Variants in UGT1A6 observed in about 807,000 individuals in gnomAD.
UGT1A6 encodes the protein UDP glucuronosyltransferase family 1 member A6.
Under a neutral mutation model 44.4 loss-of-function variants are expected in UGT1A6, and 32 were observed. The observed-to-expected ratio is 0.72, with a 90% CI of 0.54 to 0.97. The LOEUF is 0.97. Ranked by LOEUF, UGT1A6 falls within the 50% of genes least tolerant of loss-of-function variation. The probability of loss-of-function intolerance (pLI) is 0.00; values close to 1 mark genes in which losing one functional copy is unlikely to be tolerated. For missense variants in UGT1A6, 685 were observed against 661.9 expected, an observed-to-expected ratio of 1.03 and a Z score of -0.38; for synonymous variants, 238 against 248.5, an observed-to-expected ratio of 0.96 and a Z score of 0.40.
At chr2:233,751,176 G>A (rs1694660149) in intron 1 of UGT1A6, among the ~76,000 whole-genome samples, 1 of 151,990 alleles carries the variant, frequency 6.6e-6, no homozygotes, top group Non-Finnish European at 1.5e-5. Flanking sequence ...CTAGATATGA[G>A]ACATGAAGTT....
intron 1 of UGT1A6, among the ~76,000 whole-genome samples, chr2:233,705,589 C>CT (rs1259652270): frequency 6.6e-6 from 1 of 152,106 alleles, no homozygotes; most frequent in Non-Finnish European, 1.5e-5. Context: ...GTTTATGGAT[C>CT]TGGGAAAGGC....
chr2:233,769,741 GCCACTC>G lies in UGT1A6; in HGVS notation c.1301+1303_1301+1308del. The G allele has an allele frequency of 6.9e-7, 1 of 1,452,214 alleles. No individual in the cohort carries two copies. Among genetic ancestry groups the G allele is most frequent in the Non-Finnish European group, 9.1e-7 (1 of 1,101,348 alleles). 90.0% of individuals were successfully genotyped at this position (1,452,214 alleles called of 1,614,324 possible). On this transcript the variant is annotated intron_variant, in intron 4 of 4. Coordinates refer to ENST00000305139, the MANE Select transcript of UGT1A6 (RefSeq NM_001072.4). The surrounding 1 kb of genome is among the most constrained non-coding windows in gnomAD (Gnocchi z 4.4). ...ACCATGGCACACGCCTGTAGTCCCA[GCCACTC>G]TGGAGGCTAAGGCGGGAGGATTGCT... is the stretch of plus-strand genomic sequence containing the variant.
chr2:233,737,106 C>A (rs1413707543), intron 1 of UGT1A6, among the ~76,000 whole-genome samples: 1 of 152,198 alleles, frequency 6.6e-6, no homozygotes, highest in African/African-American at 2.4e-5. Flanking sequence ...TCTGCTGTTC[C>A]CCACATGTTC....
chr2:233,722,092 G>A, intron 1 of UGT1A6: 1 of 213,982 alleles, frequency 4.7e-6, no homozygotes, highest in South Asian at 7.6e-5. Context: ...GATCACCTTA[G>A]GCCTCTTAGA....
intron 1 of UGT1A6, among the ~76,000 whole-genome samples, chr2:233,730,798 G>C (rs772379862): frequency 4.6e-5 from 7 of 152,122 alleles, no homozygotes; most frequent in Non-Finnish European, 7.3e-5. Flanking sequence ...AGTGATGAAT[G>C]GACATGCGTC....
At position 233,747,601 on chromosome 2, in the gene UGT1A6, AGCTACT is replaced by A. The variant is rs1032585099; in HGVS notation, c.862-19430_862-19425del. 3.2e-6 allele frequency: 5 copies of A among 1,575,002 alleles called. No individual in the cohort carries two copies. In the African/African-American group the frequency reaches 6.8e-5, roughly 21 times the overall value. The stretch of plus-strand genomic sequence containing the variant: ...TTGGTCTTTCATAGGTCTTGTGTGG[AGCTACT>A]GCATAATGAGGCCCTGATCAGGCAC... On this transcript the variant is annotated intron_variant, in intron 1 of 4. Transcript: ENST00000305139.
rs6742078 is a variant in UGT1A6, at chr2:233,763,993, G to T, written c.862-3041G>T. ...TGTGGGTTACTGGGAATGCGTGATG[G>T]TGAAGTCACAGATGACCCACATGGT... On this transcript the variant is annotated intron_variant, in intron 1 of 4. Transcript: ENST00000305139. 0.36 allele frequency among the ~76,000 whole-genome samples: 54,149 copies of T among 152,126 alleles called. 9,972 individuals carry two copies. Among genetic ancestry groups the T allele is most frequent in the African/African-American group, 0.43 (17,876 of 41,508 alleles).
At chr2:233,751,100 G>T (rs895970679) in intron 1 of UGT1A6, among the ~76,000 whole-genome samples, 1 of 151,922 alleles carries the variant, frequency 6.6e-6, no homozygotes, top group Non-Finnish European at 1.5e-5. Flanking sequence ...GGAGGGCTTT[G>T]CCCTGCAAGC....
chr2:233,737,994 C>T (rs1435641802), intron 1 of UGT1A6, among the ~76,000 whole-genome samples: 1 of 151,970 alleles, frequency 6.6e-6, no homozygotes. Flanking sequence ...CTCTGTGTCC[C>T]CCACCAAATC....
At chr2:233,764,672 GA>G (rs1265405107) in intron 1 of UGT1A6, among the ~76,000 whole-genome samples, 2 of 152,116 alleles carry the variant, frequency 1.3e-5, no homozygotes, top group Non-Finnish European at 2.9e-5. Context: ...ACGCTCAGAA[GA>G]AAGAACTTGA....
At chr2:233,692,037 A>G (rs2075074158), upstream of UGT1A6, 1 of 152,220 alleles carries the variant, frequency 6.6e-6, no homozygotes, top group Non-Finnish European at 1.5e-5. Context: ...TTGCCAGGGA[A>G]CAAAACCCTT....
intron 1 of UGT1A6, among the ~76,000 whole-genome samples, chr2:233,738,417 G>A (rs1690784004): frequency 6.6e-6 from 1 of 152,216 alleles, no homozygotes; most frequent in Non-Finnish European, 1.5e-5. Context: ...ACAGGCAGAG[G>A]CTGGAACAGT....
At chr2:233,733,213 G>T (rs974647269) in intron 1 of UGT1A6, among the ~76,000 whole-genome samples, 1 of 152,158 alleles carries the variant, frequency 6.6e-6, no homozygotes, top group African/African-American at 2.4e-5. Flanking sequence ...TTTGGGCTGA[G>T]ACAATGGGGT....
chr2:233,743,981 G>T, intron 1 of UGT1A6: 1 of 1,297,886 alleles, frequency 7.7e-7, no homozygotes, highest in Non-Finnish European at 1.0e-6. Flanking sequence ...CAGCACCCAG[G>T]CGCAGGCCCG....
chr2:233,745,152 G>T (rs1403503351), intron 1 of UGT1A6, among the ~76,000 whole-genome samples: 1 of 151,720 alleles, frequency 6.6e-6, no homozygotes, highest in Non-Finnish European at 1.5e-5. Flanking sequence ...GTATATGGAG[G>T]GTCAAATGTG....
At position 233,772,766 on chromosome 2, in the gene UGT1A6, C is replaced by T. The variant is rs910513508; in HGVS notation, c.*207C>T. 4 of 1,374,588 alleles carry T rather than the reference C, an allele frequency of 2.9e-6. No individual in the cohort carries two copies. Among genetic ancestry groups the T allele is most frequent in the Non-Finnish European group, 3.8e-6 (4 of 1,047,350 alleles). 85.1% of individuals were successfully genotyped at this position (1,374,588 alleles called of 1,614,324 possible). ...AGATATTTGAATATGTATCGTGCCC[C>T]CTCTGGTGTCTTTGATCAGGATGAC... On this transcript the variant is annotated 3_prime_UTR_variant, in exon 5 of 5. Transcript: ENST00000305139.
At chr2:233,757,176 AG>A (rs1350201754) in intron 1 of UGT1A6, among the ~76,000 whole-genome samples, 4 of 151,300 alleles carry the variant, frequency 2.6e-5, no homozygotes, top group Non-Finnish European at 5.9e-5. Flanking sequence ...TTTGAGAGCA[AG>A]GCAGAGGACT....
At chr2:233,741,039 A>T (rs1218134872) in intron 1 of UGT1A6, among the ~76,000 whole-genome samples, 1 of 151,820 alleles carries the variant, frequency 6.6e-6, no homozygotes, top group African/African-American at 2.4e-5. Context: ...GTAAGCTATG[A>T]TCTTGCCTAG....
chr2:233,765,231 A>G (rs1698784494), intron 1 of UGT1A6, among the ~76,000 whole-genome samples: 1 of 152,148 alleles, frequency 6.6e-6, no homozygotes, highest in African/African-American at 2.4e-5. Context: ...ACATAAAACC[A>G]TAGACTCAGT....
Sources: gnomAD v4.1 joint callset for allele counts (sites outside exome capture counted in the v4.1 genomes callset) on GRCh38, gnomAD v4.1.1 for gene constraint, Gnocchi (gnomAD v3.1) non-coding constraint, MANE v1.5 for transcripts, NCBI Gene and HGNC (gene_info 2026-07-23, HGNC 2026-07-21) for gene names.